The following GLIPR1 variants were observed in gnomAD, a reference collection of about 807,000 sequenced individuals.
GLIPR1 encodes GLI pathogenesis related 1.
GLIPR1 carries 38 observed loss-of-function variants against 30.3 expected under a neutral mutation model. That is an observed-to-expected ratio of 1.26 (90% confidence interval 0.97 to 1.65). The LOEUF (loss-of-function observed/expected upper bound fraction) is 1.65. Ranked by LOEUF, GLIPR1 falls within the 40% of genes most tolerant of loss-of-function variation. GLIPR1 has a pLI of 0.00. For synonymous variants in GLIPR1, 122 were observed against 110.6 expected (o/e 1.10, Z -0.65); for missense variants, 285 against 326.5 (o/e 0.87, Z 0.98).
chr12:75,486,410 T>C (rs2046294244), intron 2 of GLIPR1, among the ~76,000 whole-genome samples: 1 of 152,190 alleles, frequency 6.6e-6, no homozygotes, highest in South Asian at 2.1e-4. Context: ...CTTGCTATGT[T>C]CCAGAAGCTC....
In GLIPR1 at chr12:75,495,539, G is replaced by A. The variant is rs201947796; in HGVS notation, c.534-38G>A. The A allele has an allele frequency of 3.3e-5, 41 of 1,241,978 alleles. No homozygotes were observed. The Admixed American group carries it at 4.1e-4, about 12-fold the overall frequency. The allele number at this position is 1,241,978 out of a possible 1,614,324, so 76.9% of individuals were successfully genotyped here. A position where few individuals can be genotyped will look rare whatever the true frequency, so the allele number is the denominator to read the frequency against. ...TAGTAAATTGCAATTTTAAAAAACCGAAAAACTTCTAATGGACATCCTTCT... is the reference window on the plus strand; with the variant it reads ...TAGTAAATTGCAATTTTAAAAAACCAAAAAACTTCTAATGGACATCCTTCT... On this transcript the variant is annotated intron_variant, in intron 3 of 5. Transcript: ENST00000266659.
At chr12:75,490,751 T>C in intron 3 of GLIPR1, 1 of 386,938 alleles carries the variant, frequency 2.6e-6, no homozygotes, top group Admixed American at 4.2e-5. Flanking sequence ...TGTACATCCT[T>C]TATATATACT....
In GLIPR1 at chr12:75,499,068, T is replaced by TAAAACATTTCAGAAAAAAATATA. The variant is rs2046371740; in HGVS notation, c.*91_*113dup. The TAAAACATTTCAGAAAAAAATATA allele has an allele frequency of 2.5e-6, 2 of 795,860 alleles. No homozygotes were observed. The highest frequency in any genetic ancestry group is 4.6e-5 in the South Asian group (2 of 43,528). The allele number at this position is 795,860 out of a possible 1,614,324, so 49.3% of individuals were successfully genotyped here. ...ATAACAATTAGGTGTACTTCTATTTTAAAACATTTCAGAAAAAAATATATG... is the reference window on the plus strand; with the variant it reads ...ATAACAATTAGGTGTACTTCTATTTTAAAACATTTCAGAAAAAAATATAAAAACATTTCAGAAAAAAATATATG... On this transcript the variant is annotated 3_prime_UTR_variant, in exon 6 of 6. Coordinates refer to ENST00000266659, the MANE Select transcript of GLIPR1 (RefSeq NM_006851.3).
At chr12:75,482,431 T>C (rs1291148778) in intron 2 of GLIPR1, among the ~76,000 whole-genome samples, 2 of 152,166 alleles carry the variant, frequency 1.3e-5, no homozygotes, top group Non-Finnish European at 2.9e-5. Flanking sequence ...TTTGAGCCAA[T>C]TGTTTTGGGA....
At chr12:75,488,935 T>G (rs924193045) in intron 2 of GLIPR1, among the ~76,000 whole-genome samples, 1 of 152,228 alleles carries the variant, frequency 6.6e-6, no homozygotes, top group African/African-American at 2.4e-5. Flanking sequence ...CTCACTCAAT[T>G]TTGAATGTAT....
chr12:75,490,563 CCCGCA>C lies in GLIPR1; in HGVS notation c.533+46_533+50del, dbSNP rs1221288293. On this transcript the variant is annotated intron_variant, in intron 3 of 5. Coordinates refer to ENST00000266659, the MANE Select transcript of GLIPR1 (RefSeq NM_006851.3). Reference sequence around the variant, plus strand: ...GGTTTATAGGAAACGCCCCCCCCCCCCCGCAAAAAAAAACAACAACAAAAAAAAAC... The same window carrying C: ...GGTTTATAGGAAACGCCCCCCCCCCCAAAAAAAACAACAACAAAAAAAAAC... The C allele has an allele frequency of 2.9e-5, 6 of 208,226 alleles. No homozygotes were observed. The African/African-American group carries it at 7.0e-4, about 24-fold the overall frequency. 12.9% of individuals were successfully genotyped at this position (208,226 alleles called of 1,614,324 possible). A position where few individuals can be genotyped will look rare whatever the true frequency, so the allele number is the denominator to read the frequency against.
intron 2 of GLIPR1, among the ~76,000 whole-genome samples, chr12:75,485,612 G>A (rs952507344): frequency 1.6e-4 from 24 of 149,554 alleles, no homozygotes; most frequent in Non-Finnish European, 3.1e-4. Context: ...GTGCAGTGGC[G>A]GGATCTCGGC....
chr12:75,482,470 A>T (rs375786466), intron 2 of GLIPR1, among the ~76,000 whole-genome samples: 10 of 152,328 alleles, frequency 6.6e-5, no homozygotes, highest in African/African-American at 2.4e-4. Flanking sequence ...CAAGACTCTC[A>T]GACAGAAACA....
chr12:75,485,341 T>G (rs906470812), intron 2 of GLIPR1, among the ~76,000 whole-genome samples: 1 of 152,210 alleles, frequency 6.6e-6, no homozygotes, highest in African/African-American at 2.4e-5. Flanking sequence ...AAATGGAAGA[T>G]GACTCAAATT....
intron 3 of GLIPR1, chr12:75,491,738 C>CT (rs1282726812): frequency 7.2e-5 from 11 of 151,812 alleles, no homozygotes; most frequent in African/African-American, 2.4e-4. Context: ...ATTTATATTC[C>CT]TTTTTCTGTG....
chr12:75,485,686 G>A (rs1247039612), intron 2 of GLIPR1, among the ~76,000 whole-genome samples: 2 of 150,566 alleles, frequency 1.3e-5, no homozygotes, highest in Non-Finnish European at 3.0e-5. Flanking sequence ...AAGTAGCTGG[G>A]ACTACAGGCG....
At position 75,501,889 on chromosome 12, in the gene GLIPR1, G is replaced by A. The variant is rs1285569622; in HGVS notation, c.*2911G>A. 31 of 1,594,058 alleles carry A rather than the reference G, an allele frequency of 1.9e-5. No individual in the cohort carries two copies. Among genetic ancestry groups the A allele is most frequent in the Non-Finnish European group, 2.7e-5 (31 of 1,166,574 alleles). ...AATAATTCAAGTATCTATGAACTTT[G>A]CTATTCATGTGAGCCAGACATAAAG... is the stretch of plus-strand genomic sequence containing the variant. On this transcript the variant is annotated 3_prime_UTR_variant, in exon 6 of 6. Transcript: ENST00000266659.
intron 2 of GLIPR1, among the ~76,000 whole-genome samples, chr12:75,486,205 T>C (rs1481970634): frequency 3.9e-5 from 6 of 152,214 alleles, no homozygotes; most frequent in African/African-American, 1.4e-4. Context: ...AAACATGATG[T>C]CACATGTAAA....
intron 2 of GLIPR1, among the ~76,000 whole-genome samples, chr12:75,488,281 T>C (rs1421871729): frequency 1.3e-5 from 2 of 152,204 alleles, no homozygotes; most frequent in Admixed American, 1.3e-4. Flanking sequence ...CTCACGCCTG[T>C]AATCCCAGCA....
Position 75,502,044 on chromosome 12 carries a change from G to A in GLIPR1, c.*3066G>A. 1 of 1,492,188 alleles carries A rather than the reference G, an allele frequency of 6.7e-7. No homozygotes were observed. Among genetic ancestry groups the A allele is most frequent in the Non-Finnish European group, 9.3e-7 (1 of 1,074,818 alleles). The allele number at this position is 1,492,188 out of a possible 1,614,324, so 92.4% of individuals were successfully genotyped here. A position where few individuals can be genotyped will look rare whatever the true frequency, so the allele number is the denominator to read the frequency against. On this transcript the variant is annotated 3_prime_UTR_variant, in exon 6 of 6. Coordinates refer to ENST00000266659, the MANE Select transcript of GLIPR1 (RefSeq NM_006851.3). ...ACAATTACATCAGAAATAATGTAGA[G>A]GAGAAGTCATGTCCTAAGCAAGTCA...
chr12:75,482,125 G>A (rs754863264), intron 2 of GLIPR1, 46 bp downstream of exon 2: 2 of 1,555,702 alleles, frequency 1.3e-6, no homozygotes, highest in South Asian at 1.1e-5. Context: ...TTTCAAGTAT[G>A]AGGAGAAAAA....
chr12:75,495,688 T>G (rs899100500), intron 4 of GLIPR1, 26 bp downstream of exon 4: 2 of 1,217,078 alleles, frequency 1.6e-6, no homozygotes, highest in Non-Finnish European at 2.4e-6. Flanking sequence ...AATACACCAA[T>G]AGAATAACAT....
In GLIPR1 at chr12:75,499,805, T is replaced by C. The variant is rs755838106; in HGVS notation, c.*827T>C. ...ATAGTTCTAGTCAAGGAGTTTTGGG[T>C]ATGTTACTTTTTTTTCTTCTTTTTC... On this transcript the variant is annotated 3_prime_UTR_variant, in exon 6 of 6. Transcript: ENST00000266659. The C allele has an allele frequency of 1.9e-6, 3 of 1,595,424 alleles. No homozygotes were observed. The highest frequency in any genetic ancestry group is 2.6e-6 in the Non-Finnish European group (3 of 1,172,920).
At position 75,501,647 on chromosome 12, in the gene GLIPR1, A is replaced by T. The variant is rs2046394718; in HGVS notation, c.*2669A>T. 7.4e-6 allele frequency: 7 copies of T among 951,220 alleles called. No homozygotes were observed. The South Asian group carries it at 1.0e-4, about 14-fold the overall frequency. 58.9% of individuals were successfully genotyped at this position (951,220 alleles called of 1,614,324 possible). ...TGATGAAAAGATACAACTGTTTCTTAAAAAGATTCAGACAAATTTATTATG... is the reference window on the plus strand; with the variant it reads ...TGATGAAAAGATACAACTGTTTCTTTAAAAGATTCAGACAAATTTATTATG... On this transcript the variant is annotated 3_prime_UTR_variant, in exon 6 of 6. Coordinates refer to ENST00000266659, the MANE Select transcript of GLIPR1 (RefSeq NM_006851.3).
Sources: gnomAD v4.1 joint callset for allele counts (sites outside exome capture counted in the v4.1 genomes callset) on GRCh38, gnomAD v4.1.1 for gene constraint, MANE v1.5 for transcripts, NCBI Gene and HGNC (gene_info 2026-07-23, HGNC 2026-07-21) for gene names.